The following PLCB1 variants were observed in gnomAD, a reference collection of about 807,000 sequenced individuals.
PLCB1 encodes the protein 1-phosphatidylinositol 4,5-bisphosphate phosphodiesterase beta-1.
A neutral mutation model predicts 161.8 loss-of-function variants in PLCB1; 46 were observed. The ratio of observed to expected loss-of-function variants is 0.28; its 90% CI spans 0.22 to 0.36. The LOEUF (loss-of-function observed/expected upper bound fraction) is 0.36, where lower values mean the gene tolerates loss of function less well. Among genes scored for constraint, PLCB1 ranks in the 10% least tolerant of loss-of-function variants. The pLI is 1.00. For missense variants in PLCB1, 1,016 were observed against 1,472.5 expected, an observed-to-expected ratio of 0.69 and a Z score of 5.07; for synonymous variants, 517 against 503.7, an observed-to-expected ratio of 1.03 and a Z score of -0.35.
intron 31 of PLCB1, among the ~76,000 whole-genome samples, chr20:8,828,150 G>C (rs1985800905): frequency 1.3e-5 from 2 of 152,138 alleles, no homozygotes; most frequent in African/African-American, 2.4e-5. Flanking sequence ...TCCTGCATTG[G>C]GGGGTGTGAT....
At chr20:8,180,175 G>A (rs1308465387) in intron 2 of PLCB1, among the ~76,000 whole-genome samples, 2 of 152,134 alleles carry the variant, frequency 1.3e-5, no homozygotes, top group Admixed American at 6.5e-5. Flanking sequence ...GGCTTTTAAC[G>A]TGAAGTGATG....
chr20:8,587,345 T>C (rs1322134813), intron 3 of PLCB1, among the ~76,000 whole-genome samples: 2 of 152,174 alleles, frequency 1.3e-5, no homozygotes, highest in East Asian at 1.9e-4. Context: ...CTGTTCTTAA[T>C]GCAGCCTGCC....
chr20:8,438,698 A>C (rs1023143975), intron 3 of PLCB1, among the ~76,000 whole-genome samples: 1 of 152,174 alleles, frequency 6.6e-6, no homozygotes, highest in African/African-American at 2.4e-5. Context: ...AGCTTTGCTG[A>C]ATGACATGCC....
At chr20:8,563,961 C>T (rs566639297) in intron 3 of PLCB1, among the ~76,000 whole-genome samples, 30 of 152,288 alleles carry the variant, frequency 2.0e-4, no homozygotes, top group Non-Finnish European at 3.8e-4. Context: ...CATCAAGCTA[C>T]CATTGACTTT....
chr20:8,632,026 T>G (rs1253201131), intron 4 of PLCB1, among the ~76,000 whole-genome samples: 5 of 90,776 alleles, frequency 5.5e-5, no homozygotes, highest in Non-Finnish European at 8.6e-5. Flanking sequence ...CAAATATGGG[T>G]TTTTTTTGCT....
chr20:8,449,009 A>T (rs962556405), intron 3 of PLCB1, among the ~76,000 whole-genome samples: 5 of 152,206 alleles, frequency 3.3e-5, no homozygotes. Context: ...TCCATTGGCT[A>T]TTTCAAATGG....
intron 3 of PLCB1, among the ~76,000 whole-genome samples, chr20:8,444,511 G>T (rs958815739): frequency 6.6e-6 from 1 of 152,150 alleles, no homozygotes; most frequent in African/African-American, 2.4e-5. Context: ...ATAAACATAC[G>T]TGTGCATGTG....
rs571299461 is a variant in PLCB1, at chr20:8,380,993, G to T, written c.246+9543G>T. Among the ~76,000 whole-genome samples, 4 of 152,270 alleles carry T rather than the reference G, an allele frequency of 2.6e-5. No individual in the cohort carries two copies. In the South Asian group the frequency reaches 8.3e-4, roughly 32 times the overall value. Reference sequence around the variant, plus strand: ...TCCAATACTAGGTTGAATAGGAGTGGTGAGAGAGGCCATCCTTGTCTTGTA... The same window carrying T: ...TCCAATACTAGGTTGAATAGGAGTGTTGAGAGAGGCCATCCTTGTCTTGTA... On this transcript the variant is annotated intron_variant, in intron 3 of 31. Coordinates refer to ENST00000338037, the MANE Select transcript of PLCB1 (RefSeq NM_015192.4).
intron 2 of PLCB1, among the ~76,000 whole-genome samples, chr20:8,248,027 C>T (rs1980966129): frequency 6.6e-6 from 1 of 151,830 alleles, no homozygotes; most frequent in Non-Finnish European, 1.5e-5. Context: ...AGATTGTGTT[C>T]CCCAGAAACA....
chr20:8,769,106 G>C (rs1371475067), intron 26 of PLCB1, among the ~76,000 whole-genome samples: 1 of 152,040 alleles, frequency 6.6e-6, no homozygotes, highest in African/African-American at 2.4e-5. Flanking sequence ...AAATTTTGTT[G>C]CTATCTTTTG....
intron 2 of PLCB1, among the ~76,000 whole-genome samples, chr20:8,171,001 C>T (rs965605901): frequency 6.6e-6 from 1 of 151,990 alleles, no homozygotes; most frequent in Non-Finnish European, 1.5e-5. Context: ...CTGCAAATCA[C>T]ATTATTTTCT....
intron 2 of PLCB1, among the ~76,000 whole-genome samples, chr20:8,301,230 A>G (rs971927494): frequency 2.0e-5 from 3 of 152,150 alleles, no homozygotes; most frequent in Admixed American, 2.0e-4. Flanking sequence ...AATATCTTCC[A>G]TGCCAAGGTT....
chr20:8,517,565 C>A (rs900034540), intron 3 of PLCB1, among the ~76,000 whole-genome samples: 2 of 152,150 alleles, frequency 1.3e-5, no homozygotes, highest in Non-Finnish European at 2.9e-5. Context: ...TATAGCATTT[C>A]CACTTAACAC....
chr20:8,246,909 C>T (rs1980906074), intron 2 of PLCB1, among the ~76,000 whole-genome samples: 1 of 151,734 alleles, frequency 6.6e-6, no homozygotes, highest in Non-Finnish European at 1.5e-5. Flanking sequence ...TCTTGAAGTC[C>T]TTATGTCTGC....
At chr20:8,517,083 T>G (rs1373624576) in intron 3 of PLCB1, among the ~76,000 whole-genome samples, 1 of 151,830 alleles carries the variant, frequency 6.6e-6, no homozygotes, top group Non-Finnish European at 1.5e-5. Context: ...AATAGAGGGG[T>G]TGGGCGTTCC....
At chr20:8,443,523 G>T (rs538575454) in intron 3 of PLCB1, among the ~76,000 whole-genome samples, 1 of 152,134 alleles carries the variant, frequency 6.6e-6, no homozygotes, top group Non-Finnish European at 1.5e-5. Context: ...TCTGTTTGGT[G>T]CCCCAACTTC....
chr20:8,881,146 G>A (rs1207599317), intron 31 of PLCB1, among the ~76,000 whole-genome samples: 3 of 151,814 alleles, frequency 2.0e-5, no homozygotes, highest in Admixed American at 6.6e-5. Context: ...GATCACAGCC[G>A]CACGCCACTA....
At chr20:8,717,948 T>C in intron 14 of PLCB1, 100 bp downstream of exon 14, 1 of 1,046,506 alleles carries the variant, frequency 9.6e-7, no homozygotes, top group Non-Finnish European at 1.3e-6. Context: ...ACTACTACTT[T>C]TGGAGGCTGA....
At chr20:8,440,205 G>T (rs1422341640) in intron 3 of PLCB1, among the ~76,000 whole-genome samples, 1 of 152,092 alleles carries the variant, frequency 6.6e-6, no homozygotes, top group Non-Finnish European at 1.5e-5. Flanking sequence ...TTGAAAGCCA[G>T]CAATCAATGA....
Sources: gnomAD v4.1 joint callset for allele counts (sites outside exome capture counted in the v4.1 genomes callset) on GRCh38, gnomAD v4.1.1 for gene constraint, MANE v1.5 for transcripts, NCBI Gene and HGNC (gene_info 2026-07-23, HGNC 2026-07-21) for gene names.